Variants in UBE2U observed in about 807,000 individuals in gnomAD.
UBE2U encodes ubiquitin conjugating enzyme E2 U, also known as ubiquitin-conjugating enzyme E2 U.
In UBE2U, 39 loss-of-function variants were observed where a neutral mutation model predicts 41.2. The observed-to-expected ratio is 0.95, with a 90% CI of 0.73 to 1.24. The LOEUF (loss-of-function observed/expected upper bound fraction) is 1.24. Among genes scored for constraint, UBE2U ranks in the 50% most tolerant of loss-of-function variants. UBE2U has a pLI of 0.00. For missense variants in UBE2U, 336 were observed against 363.1 expected, an observed-to-expected ratio of 0.93 and a Z score of 0.61; for synonymous variants, 107 against 117.8, an observed-to-expected ratio of 0.91 and a Z score of 0.60.
intron 7 of UBE2U, among the ~76,000 whole-genome samples, chr1:64,233,201 G>T (rs1337404412): frequency 6.6e-6 from 1 of 151,924 alleles, no homozygotes; most frequent in Non-Finnish European, 1.5e-5. Flanking sequence ...TAGAGACGGG[G>T]TTTCAGTGTG....
intron 8 of UBE2U, among the ~76,000 whole-genome samples, chr1:64,248,093 A>C (rs1404274440): frequency 6.6e-6 from 1 of 152,124 alleles, no homozygotes; most frequent in Non-Finnish European, 1.5e-5. Flanking sequence ...GAACTAAGAC[A>C]GTTTTAATAT....
chr1:64,228,853 T>C (rs1570035684), intron 6 of UBE2U, among the ~76,000 whole-genome samples: 1 of 115,136 alleles, frequency 8.7e-6, no homozygotes, highest in Admixed American at 9.1e-5. Context: ...CTTGCCCAGG[T>C]AATTTTTTTT....
rs1239038321 is a variant in UBE2U, at chr1:64,239,117, G to GAA, written c.596-2534_596-2533dup. Among the ~76,000 whole-genome samples, 21 of 22,682 alleles carry GAA rather than the reference G, an allele frequency of 9.3e-4. 1 individual carries two copies. The highest frequency in any genetic ancestry group is 6.0e-3 in the African/African-American group (20 of 3,322). The allele number at this position is 22,682 out of a possible 152,430, so 14.9% of individuals were successfully genotyped here. ...GGAAGAAGAAGAAGAAGAAGAAGAA[G>GAA]AAGAAGAAGAAGAAGAAGAAGAAGA... On this transcript the variant is annotated intron_variant, in intron 7 of 9. Coordinates refer to ENST00000371077, the MANE Select transcript of UBE2U (RefSeq NM_001366232.2).
chr1:64,249,073 A>G (rs533247374), intron 8 of UBE2U, among the ~76,000 whole-genome samples: 1 of 152,256 alleles, frequency 6.6e-6, no homozygotes, highest in Admixed American at 6.5e-5. Context: ...CCAGCAACCC[A>G]TTGAAAAATC....
At chr1:64,232,231 G>T (rs1336098283) in intron 6 of UBE2U, among the ~76,000 whole-genome samples, 1 of 152,164 alleles carries the variant, frequency 6.6e-6, no homozygotes, top group Non-Finnish European at 1.5e-5. Context: ...AAATTGACAG[G>T]TATAACGCTT....
At chr1:64,256,484 T>A (rs140941153) in intron 8 of UBE2U, among the ~76,000 whole-genome samples, 25,690 of 151,806 alleles carry the variant, frequency 0.17, 2,801 homozygotes, top group Non-Finnish European at 0.24. Flanking sequence ...AACTGTCTGA[T>A]CTTCAACAAA....
chr1:64,209,952 A>G (rs1651564970), intron 3 of UBE2U, among the ~76,000 whole-genome samples: 1 of 152,222 alleles, frequency 6.6e-6, no homozygotes, highest in Non-Finnish European at 1.5e-5. Flanking sequence ...CTCGTATGAT[A>G]CAATTGACAG....
At chr1:64,255,525 A>G (rs769963520) in intron 8 of UBE2U, among the ~76,000 whole-genome samples, 2 of 152,222 alleles carry the variant, frequency 1.3e-5, no homozygotes, top group Non-Finnish European at 2.9e-5. Context: ...AATCCTCAAT[A>G]AAATACTGGC....
chr1:64,204,057 G>A lies in UBE2U; in HGVS notation c.7G>A (p.Gly3Ser), dbSNP rs567028426. Residue 3 changes from glycine to serine, a missense_variant, in exon 1 of 10, where the codon GGC (glycine) becomes AGC (serine). Gly to Ser is a moderately conservative substitution (Grantham distance 56). Coordinates refer to ENST00000371077, the MANE Select transcript of UBE2U (RefSeq NM_001366232.2). MH[G>S]RAYLLLHRDF... is the part of the protein sequence containing the mutation. Reference sequence around the variant, plus strand: ...AGACCCTCCGCTGCCTATCATGCACGGCAGAGCTTACCTCTTGCTGCACAG... The same window carrying A: ...AGACCCTCCGCTGCCTATCATGCACAGCAGAGCTTACCTCTTGCTGCACAG... 32 of 1,613,834 alleles carry A rather than the reference G, an allele frequency of 2.0e-5. No individual in the cohort carries two copies. Among genetic ancestry groups the A allele is most frequent in the East Asian group, 1.6e-4 (7 of 44,860 alleles).
chr1:64,230,211 T>C (rs1644529517), intron 6 of UBE2U, among the ~76,000 whole-genome samples: 1 of 152,202 alleles, frequency 6.6e-6, no homozygotes, highest in South Asian at 2.1e-4. Flanking sequence ...AATTACTGCG[T>C]TTGTTTCCTA....
intron 8 of UBE2U, among the ~76,000 whole-genome samples, chr1:64,243,878 T>C (rs79588234): frequency 0.023 from 3,463 of 152,226 alleles, 136 homozygotes; most frequent in African/African-American, 0.078. Flanking sequence ...CCAGACTGTC[T>C]GGATTTGAAT....
intron 6 of UBE2U, 27 bp downstream of exon 6, chr1:64,220,934 T>C (rs1269851040): frequency 6.6e-7 from 1 of 1,511,564 alleles, no homozygotes; most frequent in Admixed American, 1.9e-5. Context: ...ACAATTTATG[T>C]CGATTTATTT....
chr1:64,262,804 T>G (rs1645197900), intron 9 of UBE2U, among the ~76,000 whole-genome samples: 1 of 152,178 alleles, frequency 6.6e-6, no homozygotes, highest in Non-Finnish European at 1.5e-5. Flanking sequence ...AATACCAGGA[T>G]GCAGGGATTC....
At chr1:64,239,134 A>AAGAGGAAGAGGAAGAGGAAGAGGAAGAG (rs1644756925) in intron 7 of UBE2U, among the ~76,000 whole-genome samples, 4 of 28,842 alleles carry the variant, frequency 1.4e-4, no homozygotes, top group Non-Finnish European at 2.3e-4. Context: ...AAGAAGAAGA[A>AAGAGGAAGAGGAAGAGGAAGAGGAAGAG]GAAGAAGAAG....
intron 4 of UBE2U, among the ~76,000 whole-genome samples, chr1:64,213,061 A>T (rs1651757361): frequency 6.6e-6 from 1 of 152,212 alleles, no homozygotes; most frequent in Non-Finnish European, 1.5e-5. Context: ...ACTAGGAAAG[A>T]GCTTTCTGCT....
chr1:64,237,824 G>A (rs552791518), intron 7 of UBE2U, among the ~76,000 whole-genome samples: 2 of 152,286 alleles, frequency 1.3e-5, no homozygotes, highest in African/African-American at 4.8e-5. Flanking sequence ...AAAGATGACC[G>A]TGTCATTTGG....
chr1:64,228,474 A>G (rs1187730320), intron 6 of UBE2U, among the ~76,000 whole-genome samples: 2 of 152,144 alleles, frequency 1.3e-5, no homozygotes, highest in Non-Finnish European at 2.9e-5. Context: ...CAGCTTTCAC[A>G]GAAGGAGGAG....
intron 8 of UBE2U, among the ~76,000 whole-genome samples, chr1:64,251,603 G>A (rs980283243): frequency 1.3e-5 from 2 of 152,100 alleles, no homozygotes; most frequent in Admixed American, 6.6e-5. Flanking sequence ...CCACCCAGGA[G>A]CAGCATGACG....
At position 64,227,389 on chromosome 1, in the gene UBE2U, A is replaced by G. The variant is rs556364879; in HGVS notation, c.507-5172A>G. 3.3e-5 allele frequency among the ~76,000 whole-genome samples: 5 copies of G among 152,382 alleles called. No individual in the cohort carries two copies. In the South Asian group the frequency reaches 6.2e-4, roughly 19 times the overall value. ...AGTGAAATCCAAATGAATATAAAAA[A>G]ACTTGAAAATTAATTAGTGAATTTA... On this transcript the variant is annotated intron_variant, in intron 6 of 9. Transcript: ENST00000371077.
Sources: allele counts gnomAD v4.1 joint callset (sites outside exome capture counted in the v4.1 genomes callset), GRCh38; gene constraint gnomAD v4.1.1; transcripts MANE v1.5; gene names NCBI Gene and HGNC (gene_info 2026-07-23, HGNC 2026-07-21).